The following PDE4D variants were observed in gnomAD, a reference collection of about 807,000 sequenced individuals.
PDE4D encodes the protein 3',5'-cyclic-AMP phosphodiesterase 4D.
In PDE4D, 24 loss-of-function variants were observed where a neutral mutation model predicts 87.4. The ratio of observed to expected loss-of-function variants is 0.27; its 90% CI spans 0.20 to 0.39. The LOEUF is 0.39. Among genes scored for constraint, PDE4D ranks in the 10% least tolerant of loss-of-function variants. PDE4D has a pLI of 1.00. For missense variants in PDE4D, 714 were observed against 1,041.0 expected (o/e 0.69, Z 4.32); for synonymous variants, 384 against 383.2 (o/e 1.00, Z -0.02).
chr5:59,163,403 C>T (rs1781449710), intron 5 of PDE4D, among the ~76,000 whole-genome samples: 1 of 151,888 alleles, frequency 6.6e-6, no homozygotes, highest in South Asian at 2.1e-4. Flanking sequence ...TCCCGAGTAG[C>T]CGGGATTACA....
chr5:59,943,255 G>C (rs1025497457), intron 3 of PDE4D, among the ~76,000 whole-genome samples: 1 of 151,668 alleles, frequency 6.6e-6, no homozygotes, highest in Non-Finnish European at 1.5e-5. Flanking sequence ...TAAGTGATTA[G>C]TCCCAGGTGA....
At chr5:59,057,293 G>A (rs575899031) in intron 5 of PDE4D, among the ~76,000 whole-genome samples, 135 of 152,272 alleles carry the variant, frequency 8.9e-4, no homozygotes, top group African/African-American at 3.2e-3. Context: ...GAGTAAGGCA[G>A]TCCTTGTTTC....
At chr5:60,207,534 C>A (rs1742691450) in intron 1 of PDE4D, among the ~76,000 whole-genome samples, 1 of 152,140 alleles carries the variant, frequency 6.6e-6, no homozygotes, top group African/African-American at 2.4e-5. Context: ...ATAACCTTCT[C>A]TCATAATTTG....
intron 1 of PDE4D, among the ~76,000 whole-genome samples, chr5:59,735,270 G>T (rs543112383): frequency 6.6e-6 from 1 of 152,264 alleles, no homozygotes; most frequent in Admixed American, 6.5e-5. Flanking sequence ...TTAGACTTGA[G>T]ATGTATATAA....
At chr5:59,317,672 A>G (rs1486918608) in intron 1 of PDE4D, among the ~76,000 whole-genome samples, 1 of 152,164 alleles carries the variant, frequency 6.6e-6, no homozygotes, top group African/African-American at 2.4e-5. Context: ...ACAGTGAACC[A>G]GCAGAAGACT....
intron 1 of PDE4D, among the ~76,000 whole-genome samples, chr5:60,414,641 T>G (rs1189653011): frequency 6.6e-6 from 1 of 152,260 alleles, no homozygotes; most frequent in Non-Finnish European, 1.5e-5. Context: ...CAAAGCAGTT[T>G]GCTGGTTAAC....
At chr5:60,132,072 T>C (rs1324403904) in intron 2 of PDE4D, among the ~76,000 whole-genome samples, 3 of 152,228 alleles carry the variant, frequency 2.0e-5, no homozygotes, top group Non-Finnish European at 4.4e-5. Context: ...TTGTGCATTA[T>C]ACAGATTTAG....
intron 1 of PDE4D, among the ~76,000 whole-genome samples, chr5:59,393,853 A>C (rs955161532): frequency 6.6e-6 from 1 of 152,342 alleles, no homozygotes; most frequent in African/African-American, 2.4e-5. Context: ...CATGAATAAA[A>C]CAAAAGTTTT....
intron 6 of PDE4D, among the ~76,000 whole-genome samples, chr5:59,013,680 G>C (rs904206099): frequency 1.3e-5 from 2 of 152,096 alleles, no homozygotes; most frequent in African/African-American, 4.8e-5. Flanking sequence ...AAAAGTCCAG[G>C]ACCAGACAGA....
chr5:60,420,367 G>T (rs1410330075), intron 1 of PDE4D, among the ~76,000 whole-genome samples: 1 of 152,144 alleles, frequency 6.6e-6, no homozygotes, highest in Non-Finnish European at 1.5e-5. Flanking sequence ...TGAATAGGTT[G>T]GGAAAGCACC....
intron 1 of PDE4D, among the ~76,000 whole-genome samples, chr5:59,430,953 T>A (rs1796018940): frequency 6.6e-6 from 1 of 152,142 alleles, no homozygotes; most frequent in South Asian, 2.1e-4. Flanking sequence ...TATGGAAATG[T>A]TATGGGCGGT....
intron 1 of PDE4D, among the ~76,000 whole-genome samples, chr5:59,437,198 C>A (rs1029066741): frequency 4.6e-5 from 7 of 152,172 alleles, no homozygotes; most frequent in Non-Finnish European, 1.0e-4. Context: ...TATTTCCAAG[C>A]TCTTTATAAG....
chr5:60,329,419 T>C (rs926690082), intron 1 of PDE4D, among the ~76,000 whole-genome samples: 1 of 152,194 alleles, frequency 6.6e-6, no homozygotes, highest in African/African-American at 2.4e-5. Context: ...TCCTGAGTCC[T>C]CCTCAGACCT....
chr5:59,892,669 T>TCC (rs1436157553), intron 1 of PDE4D, among the ~76,000 whole-genome samples: 5 of 151,156 alleles, frequency 3.3e-5, no homozygotes, highest in African/African-American at 4.9e-5. Context: ...GCTTTCTCAC[T>TCC]CCCCCCTCCT....
chr5:59,433,500 T>A (rs1796395751), intron 1 of PDE4D, among the ~76,000 whole-genome samples: 1 of 152,000 alleles, frequency 6.6e-6, no homozygotes, highest in South Asian at 2.1e-4. Context: ...CGTCAACAAT[T>A]CCCTTTCTCT....
chr5:58,997,339 A>G (rs1248349926), intron 6 of PDE4D, among the ~76,000 whole-genome samples: 1 of 152,116 alleles, frequency 6.6e-6, no homozygotes. Flanking sequence ...TAGATCATTC[A>G]ACAAACATTT....
chr5:60,383,413 T>C lies in PDE4D; in HGVS notation c.-90+104529A>G, dbSNP rs758219446. ...CCAGAAAGCAATTGCCTAATGGAAA[T>C]GCCTTCCATTTCTCCTTTTAGCCCA... On this transcript the variant is annotated intron_variant, in intron 1 of 16. Coordinates refer to the PDE4D transcript ENST00000502484. 6.9e-4 allele frequency among the ~76,000 whole-genome samples: 105 copies of C among 152,198 alleles called. 1 individual carries two copies. The highest frequency in any genetic ancestry group is 2.6e-4 in the Non-Finnish European group (18 of 68,024).
At chr5:59,998,833 A>C (rs1239197318) in intron 2 of PDE4D, among the ~76,000 whole-genome samples, 1 of 152,176 alleles carries the variant, frequency 6.6e-6, no homozygotes, top group African/African-American at 2.4e-5. Flanking sequence ...TTATATAAGA[A>C]CTTAGTATGT....
intron 5 of PDE4D, among the ~76,000 whole-genome samples, chr5:59,053,311 C>T (rs1580537830): frequency 6.7e-6 from 1 of 150,160 alleles, no homozygotes; most frequent in South Asian, 2.1e-4. Flanking sequence ...AAAAGAAAAA[C>T]AATTGCCTAA....
Sources: allele counts gnomAD v4.1 joint callset (sites outside exome capture counted in the v4.1 genomes callset), GRCh38; gene constraint gnomAD v4.1.1; transcripts MANE v1.5; gene names NCBI Gene and HGNC (gene_info 2026-07-23, HGNC 2026-07-21).